Variants in GPC5 observed in about 807,000 individuals in gnomAD.
GPC5 encodes the protein glypican 5.
GPC5 carries 47 observed loss-of-function variants against 53.9 expected under a neutral mutation model. The observed-to-expected ratio is 0.87, with a 90% CI of 0.69 to 1.11. The LOEUF (loss-of-function observed/expected upper bound fraction) is 1.11, where lower values mean the gene tolerates loss of function less well. Among genes scored for constraint, GPC5 ranks in the 50% most tolerant of loss-of-function variants. GPC5 has a pLI of 0.00. For missense variants in GPC5, 748 were observed against 713.1 expected (o/e 1.05, Z -0.56); for synonymous variants, 286 against 263.3 (o/e 1.09, Z -0.84).
chr13:92,318,315 G>C (rs1339114530), intron 7 of GPC5, among the ~76,000 whole-genome samples: 2 of 152,082 alleles, frequency 1.3e-5, no homozygotes, highest in African/African-American at 4.8e-5. Flanking sequence ...TACCTGTGTT[G>C]TAATACTGCT....
At chr13:92,235,127 T>C (rs1342611058) in intron 7 of GPC5, among the ~76,000 whole-genome samples, 2 of 152,152 alleles carry the variant, frequency 1.3e-5, no homozygotes, top group Non-Finnish European at 2.9e-5. Context: ...TTGAAATTAC[T>C]TTTTACCCTC....
At chr13:91,814,680 A>G (rs1236816247) in intron 5 of GPC5, among the ~76,000 whole-genome samples, 2 of 152,032 alleles carry the variant, frequency 1.3e-5, no homozygotes, top group African/African-American at 2.4e-5. Context: ...AGCTGGGATT[A>G]CAGGCACCCA....
chr13:92,210,531 G>A (rs1319558977), intron 7 of GPC5, among the ~76,000 whole-genome samples: 1 of 151,918 alleles, frequency 6.6e-6, no homozygotes, highest in Admixed American at 6.6e-5. Flanking sequence ...TTATCTTCAG[G>A]CGAACTAGTG....
chr13:92,497,801 TC>T lies in GPC5; in HGVS notation c.1561+352814del, dbSNP rs1277182099. On this transcript the variant is annotated intron_variant, in intron 7 of 7. Transcript: ENST00000377067. Reference sequence around the variant, plus strand: ...TTCCTTGTAGTTCTACCTAAAAAGGTCCTTCACATCCCTTGTTAGCTGTATG... The same window carrying T: ...TTCCTTGTAGTTCTACCTAAAAAGGTCTTCACATCCCTTGTTAGCTGTATG... 3.9e-5 allele frequency among the ~76,000 whole-genome samples: 6 copies of T among 152,198 alleles called. No individual in the cohort carries two copies. In the South Asian group the frequency reaches 1.2e-3, roughly 32 times the overall value.
At chr13:92,207,226 G>C (rs142525518) in intron 7 of GPC5, among the ~76,000 whole-genome samples, 1 of 152,108 alleles carries the variant, frequency 6.6e-6, no homozygotes. Context: ...CTAGAAAGCT[G>C]GTGGATTGTC....
At chr13:91,976,961 C>G (rs1298832387) in intron 6 of GPC5, among the ~76,000 whole-genome samples, 1 of 151,878 alleles carries the variant, frequency 6.6e-6, no homozygotes, top group Non-Finnish European at 1.5e-5. Context: ...GTCACTTGAA[C>G]CCAGGAGATG....
chr13:91,431,300 C>T (rs965223569), intron 1 of GPC5, among the ~76,000 whole-genome samples: 9 of 152,134 alleles, frequency 5.9e-5, no homozygotes, highest in Admixed American at 4.6e-4. Context: ...TCCCCATCCA[C>T]GATTTCTACA....
chr13:92,358,112 G>A (rs1368059396), intron 7 of GPC5, among the ~76,000 whole-genome samples: 2 of 151,700 alleles, frequency 1.3e-5, no homozygotes, highest in Admixed American at 6.6e-5. Context: ...TATAATGTTG[G>A]TATAGACATT....
At chr13:92,016,245 A>G (rs2040706009) in intron 6 of GPC5, among the ~76,000 whole-genome samples, 1 of 152,188 alleles carries the variant, frequency 6.6e-6, no homozygotes, top group South Asian at 2.1e-4. Context: ...AATGTCTACC[A>G]TTTCTTCAGT....
chr13:92,138,676 C>A (rs1036956146), intron 6 of GPC5, among the ~76,000 whole-genome samples: 2 of 152,072 alleles, frequency 1.3e-5, no homozygotes, highest in Non-Finnish European at 2.9e-5. Context: ...GGGAAGGGCT[C>A]CTCTTTGGTG....
At chr13:91,828,198 C>A (rs1356892868) in intron 5 of GPC5, among the ~76,000 whole-genome samples, 2 of 151,986 alleles carry the variant, frequency 1.3e-5, no homozygotes, top group Non-Finnish European at 1.5e-5. Context: ...TGTTTCTTAT[C>A]TTTATAGATT....
At chr13:92,402,994 TAC>T (rs1875628226) in intron 7 of GPC5, among the ~76,000 whole-genome samples, 2 of 152,330 alleles carry the variant, frequency 1.3e-5, no homozygotes, top group South Asian at 4.1e-4. Context: ...TTCGAACGAT[TAC>T]CTGAGAATGT....
intron 7 of GPC5, among the ~76,000 whole-genome samples, chr13:92,759,745 C>T (rs1312187993): frequency 6.6e-6 from 1 of 151,820 alleles, no homozygotes; most frequent in African/African-American, 2.4e-5. Context: ...ATTTCCAGTA[C>T]TATGGTGAAT....
rs912804535 is a variant in GPC5 at position 92,100,025 on chromosome 13, G to A, written c.1402-44805G>A. On this transcript the variant is annotated intron_variant, in intron 6 of 7. Transcript: ENST00000377067. ...GAAATGCCTATGGAGAGAACCATGTGGCAAGGAACTCTGGCATCCTCTATG... is the reference window on the plus strand; with the variant it reads ...GAAATGCCTATGGAGAGAACCATGTAGCAAGGAACTCTGGCATCCTCTATG... Among the ~76,000 whole-genome samples the A allele has an allele frequency of 2.0e-5, 3 of 152,144 alleles. 1 individual carries two copies. Among genetic ancestry groups the A allele is most frequent in the South Asian group, 4.1e-4 (2 of 4,836 alleles).
At chr13:91,875,237 T>C (rs577955945) in intron 5 of GPC5, among the ~76,000 whole-genome samples, 3 of 152,320 alleles carry the variant, frequency 2.0e-5, no homozygotes, top group East Asian at 1.9e-4. Flanking sequence ...TGTGCTCTCA[T>C]ATTTGATTCT....
At chr13:91,416,507 G>C (rs1878239433) in intron 1 of GPC5, among the ~76,000 whole-genome samples, 1 of 149,916 alleles carries the variant, frequency 6.7e-6, no homozygotes, top group Non-Finnish European at 1.5e-5. Context: ...TGTGCACAAA[G>C]TGTAGGTTTT....
Position 92,866,549 on chromosome 13 carries a change from GAT to G in GPC5, c.*113_*114del, listed in dbSNP as rs1320147279. Reference sequence around the variant, plus strand: ...AATGTAACAATTATATTTATGAAAAGATATGTTACACTAACTTCTCAGAAGCC... The same window carrying G: ...AATGTAACAATTATATTTATGAAAAGATGTTACACTAACTTCTCAGAAGCC... On this transcript the variant is annotated 3_prime_UTR_variant, in exon 8 of 8. Transcript: ENST00000377067. The G allele has an allele frequency of 3.2e-6, 3 of 945,502 alleles. No homozygotes were observed. The African/African-American group carries it at 5.1e-5, about 16-fold the overall frequency. The allele number at this position is 945,502 out of a possible 1,614,324, so 58.6% of individuals were successfully genotyped here. A position where few individuals can be genotyped will look rare whatever the true frequency, so the allele number is the denominator to read the frequency against.
At chr13:91,856,262 T>C (rs1173648239) in intron 5 of GPC5, among the ~76,000 whole-genome samples, 2 of 151,658 alleles carry the variant, frequency 1.3e-5, no homozygotes, top group Non-Finnish European at 3.0e-5. Context: ...AAGTTTCTGC[T>C]ACTTTCAGTA....
intron 7 of GPC5, among the ~76,000 whole-genome samples, chr13:92,723,896 G>A (rs1888568526): frequency 6.6e-6 from 1 of 151,366 alleles, no homozygotes. Flanking sequence ...AGAGTACTTT[G>A]GAAAAAATCT....
Sources: gnomAD v4.1 joint callset for allele counts (sites outside exome capture counted in the v4.1 genomes callset) on GRCh38, gnomAD v4.1.1 for gene constraint, MANE v1.5 for transcripts, NCBI Gene and HGNC (gene_info 2026-07-23, HGNC 2026-07-21) for gene names.